ZNF483: variants seen among roughly 807,000 people sequenced by gnomAD.
The protein encoded by ZNF483 is zinc finger protein HIT-10.
Under a neutral mutation model 28.6 loss-of-function variants are expected in ZNF483, and 9 were observed. The observed-to-expected ratio is 0.32, with a 90% confidence interval of 0.19 to 0.55. ZNF483 has a LOEUF of 0.55. Among genes scored for constraint, ZNF483 ranks in the 20% least tolerant of loss-of-function variants. The probability of loss-of-function intolerance (pLI) is 0.93; values close to 1 mark genes in which losing one functional copy is unlikely to be tolerated. For synonymous variants in ZNF483, 322 were observed against 306.2 expected (o/e 1.05, Z -0.54); for missense variants, 675 against 871.7 (o/e 0.77, Z 2.84).
chr9:111,549,353 A>G lies in ZNF483; in HGVS notation c.*6183A>G, dbSNP rs1827872866. On this transcript the variant is annotated 3_prime_UTR_variant, in exon 6 of 6. Coordinates refer to ENST00000309235, the MANE Select transcript of ZNF483 (RefSeq NM_133464.5). ...CTTGTGTGGAAATGTTAGTGTCTATAAAGGTCTGAACTAAGAAAGCTTCTC... is the reference window on the plus strand; with the variant it reads ...CTTGTGTGGAAATGTTAGTGTCTATGAAGGTCTGAACTAAGAAAGCTTCTC... 6.6e-6 allele frequency among the ~76,000 whole-genome samples: 1 copy of G among 152,164 alleles called. No homozygotes were observed.
At position 111,543,745 on chromosome 9, in the gene ZNF483, C is replaced by G. The variant is rs1200784800; in HGVS notation, c.*575C>G. ...TAGTAAAAAATACAATACCACTATT[C>G]AGGATGCTGGACTTCTTTTCTTTTT... On this transcript the variant is annotated 3_prime_UTR_variant, in exon 6 of 6. Coordinates refer to ENST00000309235, the MANE Select transcript of ZNF483 (RefSeq NM_133464.5). 4 of 943,614 alleles carry G rather than the reference C, an allele frequency of 4.2e-6. No homozygotes were observed. The highest frequency in any genetic ancestry group is 1.1e-3 in the Middle Eastern group (2 of 1,878). The allele number at this position is 943,614 out of a possible 1,614,324, so 58.5% of individuals were successfully genotyped here.
intron 5 of ZNF483, among the ~76,000 whole-genome samples, chr9:111,570,415 G>A (rs1451671673): frequency 2.0e-5 from 3 of 152,024 alleles, no homozygotes; most frequent in African/African-American, 7.3e-5. Context: ...CCCCAAACAT[G>A]TTCATATCCA....
In ZNF483 at chr9:111,566,230, AAC is replaced by A. The variant is rs530129916; in HGVS notation, c.722-10132_722-10131del. ...AAATAAATAAATAAATAAATAAATAAACACCTAACTAACTATGATCAGCTTCA... is the reference window on the plus strand; with the variant it reads ...AAATAAATAAATAAATAAATAAATAAACCTAACTAACTATGATCAGCTTCA... On this transcript the variant is annotated intron_variant, in intron 5 of 5. Transcript: ENST00000358151. Among the ~76,000 whole-genome samples the A allele has an allele frequency of 3.5e-4, 53 of 152,256 alleles. No homozygotes were observed. In the East Asian group the frequency reaches 6.9e-3, roughly 20 times the overall value.
intron 5 of ZNF483, among the ~76,000 whole-genome samples, chr9:111,534,568 T>C (rs1301542826): frequency 6.6e-6 from 1 of 152,024 alleles, no homozygotes; most frequent in Non-Finnish European, 1.5e-5. Flanking sequence ...AGATCTTTAC[T>C]GGAGAAAGAT....
At chr9:111,573,721 C>A (rs1828933115) in intron 5 of ZNF483, among the ~76,000 whole-genome samples, 2 of 152,032 alleles carry the variant, frequency 1.3e-5, no homozygotes, top group South Asian at 4.2e-4. Context: ...AGTCTCTGGT[C>A]CTCTTGGCCA....
intron 3 of ZNF483, 66 bp downstream of exon 3, chr9:111,531,029 A>C (rs991960526): frequency 1.4e-6 from 1 of 726,894 alleles, no homozygotes; most frequent in Non-Finnish European, 2.1e-6. Flanking sequence ...TGAGTGGTAT[A>C]AAGATATAAA....
chr9:111,559,626 T>C (rs1158538708), downstream of ZNF483, among the ~76,000 whole-genome samples: 1 of 148,336 alleles, frequency 6.7e-6, no homozygotes, highest in East Asian at 2.0e-4. Context: ...AACATACATA[T>C]ATAACACACA....
rs547499278 is a variant in ZNF483, at chr9:111,530,866, C to G, written c.413-9C>G. The G allele has an allele frequency of 4.6e-5, 64 of 1,391,958 alleles. No individual in the cohort carries two copies. The South Asian group carries it at 8.9e-4, about 19-fold the overall frequency. 86.2% of individuals were successfully genotyped at this position (1,391,958 alleles called of 1,614,324 possible). Reference sequence around the variant, plus strand: ...TGAACGACTGGACTGGTTTTCTCCCCTTTCCTAGATCCAGTCTCTCAAGAT... The same window carrying G: ...TGAACGACTGGACTGGTTTTCTCCCGTTTCCTAGATCCAGTCTCTCAAGAT... On this transcript the variant is annotated splice_polypyrimidine_tract_variant and intron_variant, in intron 2 of 5. Coordinates refer to ENST00000309235, the MANE Select transcript of ZNF483 (RefSeq NM_133464.5).
rs1827727604 is a variant in ZNF483 at position 111,543,629 on chromosome 9, GGTTTTTTA to G, written c.*468_*475del. ...GGGATTAATGATTTTTGCCTTTTTT[GGTTTTTTA>G]GTTTTTTATTGGTATCCTGATAATC... On this transcript the variant is annotated 3_prime_UTR_variant, in exon 6 of 6. Transcript: ENST00000309235. 1.0e-6 allele frequency: 1 copy of G among 985,776 alleles called. No individual in the cohort carries two copies. The highest frequency in any genetic ancestry group is 1.7e-5 in the African/African-American group (1 of 57,244). 61.1% of individuals were successfully genotyped at this position (985,776 alleles called of 1,614,324 possible).
At chr9:111,561,963 G>C (rs1314075407) in intron 5 of ZNF483, among the ~76,000 whole-genome samples, 1 of 150,166 alleles carries the variant, frequency 6.7e-6, no homozygotes, top group African/African-American at 2.5e-5. Flanking sequence ...TCGGCTCACT[G>C]CAACGTCTGC....
rs1481698949 is a variant in ZNF483, at chr9:111,545,848, G to A, written c.*2678G>A. Among the ~76,000 whole-genome samples, 1 of 152,134 alleles carries A rather than the reference G, an allele frequency of 6.6e-6. No homozygotes were observed. The highest frequency in any genetic ancestry group is 1.5e-5 in the Non-Finnish European group (1 of 68,028). ...AGGAATAATGCTGCTTTGAACATTG[G>A]TATGCAAGTGTTTTGAACGTTAGTG... On this transcript the variant is annotated 3_prime_UTR_variant, in exon 6 of 6. Transcript: ENST00000309235.
intron 5 of ZNF483, chr9:111,574,750 G>A (rs138524922): frequency 2.5e-5 from 41 of 1,612,412 alleles, no homozygotes; most frequent in Admixed American, 2.0e-4. Flanking sequence ...GAAGTGGGCC[G>A]GTTCTGTTAT....
chr9:111,542,912 T>C lies in ZNF483; in HGVS notation c.1977T>C (p.Gly659=), dbSNP rs147662138. The C allele has an allele frequency of 4.3e-6, 7 of 1,613,984 alleles. No individual in the cohort carries two copies. In the African/African-American group the frequency reaches 6.7e-5, roughly 15 times the overall value. The change falls in exon 6 of 6, where the codon GGT becomes GGC. Residue 659 remains glycine, a synonymous_variant. Transcript: ENST00000309235. This position sits in a 1 kb window ranked among gnomAD's most constrained non-coding sequence, Gnocchi z 6.2. ...GTCGTCATCAGAGAATTCATACTGG[T>C]GTAAAACCTTATAAATGTAAAGAAT... ...LLSRHQRIHT[G]VKPYKCKECG...
chr9:111,546,634 A>G lies in ZNF483; in HGVS notation c.*3464A>G, dbSNP rs763179739. 1.2e-4 allele frequency among the ~76,000 whole-genome samples: 18 copies of G among 152,190 alleles called. No homozygotes were observed. Among genetic ancestry groups the G allele is most frequent in the Non-Finnish European group, 2.4e-4 (16 of 68,018 alleles). On this transcript the variant is annotated 3_prime_UTR_variant, in exon 6 of 6. Coordinates refer to ENST00000309235, the MANE Select transcript of ZNF483 (RefSeq NM_133464.5). ...ACAGGACAAGGCAAGGTTTTGGTCAATAAAGTCATTTTATTTATTTTAGAA... is the reference window on the plus strand; with the variant it reads ...ACAGGACAAGGCAAGGTTTTGGTCAGTAAAGTCATTTTATTTATTTTAGAA...
At position 111,541,729 on chromosome 9, in the gene ZNF483, A is replaced by G. The variant is rs1185041376; in HGVS notation, c.794A>G (p.Gln265Arg). Residue 265 changes from glutamine (Q) to arginine (R), a missense_variant, in exon 6 of 6, where the codon CAG (glutamine) becomes CGG (arginine). By Grantham distance (43) the Gln-to-Arg change is conservative. This residue lies in a region of ZNF483 where 525 missense variants were observed against 581.8 expected (regional missense o/e 0.90). Transcript: ENST00000309235. ...DDDHGLMEES[Q>R]QYCGSSEEDH... ...GATCATGGCTTGATGGAAGAATCCC[A>G]GCAATATTGTGGCAGCTCAGAGGAG... 4 of 1,614,112 alleles carry G rather than the reference A, an allele frequency of 2.5e-6. No homozygotes were observed. The highest frequency in any genetic ancestry group is 3.4e-6 in the Non-Finnish European group (4 of 1,180,042).
Position 111,551,106 on chromosome 9 carries a change from A to G in ZNF483, c.*7936A>G, listed in dbSNP as rs1475871847. ...TTTCTAGTAGCCACTTTTAGAAAAT[A>G]AAACAGGTAAAATTAAAAATGTATT... is the stretch of plus-strand genomic sequence containing the variant. On this transcript the variant is annotated 3_prime_UTR_variant, in exon 6 of 6. Transcript: ENST00000309235. Among the ~76,000 whole-genome samples the G allele has an allele frequency of 6.6e-6, 1 of 152,260 alleles. No homozygotes were observed. The highest frequency in any genetic ancestry group is 2.4e-5 in the African/African-American group (1 of 41,478).
chr9:111,556,282 G>C (rs1282129586), downstream of ZNF483, among the ~76,000 whole-genome samples: 1 of 152,230 alleles, frequency 6.6e-6, no homozygotes, highest in Non-Finnish European at 1.5e-5. Flanking sequence ...TACTCTGCAG[G>C]GTACAATTCC....
intron 4 of ZNF483, 106 bp from the exon 5 acceptor site, chr9:111,534,155 G>A: frequency 6.1e-6 from 6 of 982,602 alleles, no homozygotes; most frequent in Non-Finnish European, 9.3e-6. Flanking sequence ...GTGTATTTTG[G>A]TAGCATGTTT....
intron 1 of ZNF483, among the ~76,000 whole-genome samples, chr9:111,526,252 G>A (rs1283958247): frequency 1.3e-5 from 2 of 152,176 alleles, no homozygotes; most frequent in Non-Finnish European, 2.9e-5. Flanking sequence ...GCAAAGGCTA[G>A]GAGAGTATGT....
Sources: gnomAD v4.1 joint callset for allele counts (sites outside exome capture counted in the v4.1 genomes callset) on GRCh38, gnomAD v4.1.1 for gene constraint, gnomAD v4.1.1 regional missense constraint, Gnocchi (gnomAD v3.1) non-coding constraint, MANE v1.5 for transcripts, NCBI Gene and HGNC (gene_info 2026-07-23, HGNC 2026-07-21) for gene names.